The following OPCML variants were observed in gnomAD, a reference collection of about 807,000 sequenced individuals.
OPCML encodes opioid-binding protein/cell adhesion molecule.
OPCML carries 13 observed loss-of-function variants against 37.8 expected under a neutral mutation model. The ratio of observed to expected loss-of-function variants is 0.34; its 90% CI spans 0.22 to 0.55. The LOEUF is 0.55. OPCML is among the 20% of genes least tolerant of loss of function. The pLI is 0.91. For synonymous variants in OPCML, 176 were observed against 168.8 expected, an observed-to-expected ratio of 1.04 and a Z score of -0.33; for missense variants, 341 against 435.6, an observed-to-expected ratio of 0.78 and a Z score of 1.93.
chr11:132,627,926 G>A (rs1393376083), intron 3 of OPCML, among the ~76,000 whole-genome samples: 4 of 151,972 alleles, frequency 2.6e-5, no homozygotes, highest in African/African-American at 9.7e-5. Flanking sequence ...ACTGGGCCTC[G>A]TATAATGTGT....
chr11:132,831,021 CT>C lies in OPCML; in HGVS notation c.146+111904del, dbSNP rs924411098. Reference sequence around the variant, plus strand: ...TTCAGAATCAAATTTCTCCCACCTGCTTTTTTTTTTCTTATAACTGAGCTAC... The same window carrying C: ...TTCAGAATCAAATTTCTCCCACCTGCTTTTTTTTTCTTATAACTGAGCTAC... On this transcript the variant is annotated intron_variant, in intron 2 of 7. Transcript: ENST00000524381. Among the ~76,000 whole-genome samples the C allele has an allele frequency of 1.7e-3, 261 of 149,156 alleles. 1 individual carries two copies. The highest frequency in any genetic ancestry group is 5.4e-3 in the African/African-American group (220 of 40,668).
chr11:133,025,080 A>C lies in OPCML; in HGVS notation c.62-82070T>G, dbSNP rs549688476. ...AGGTATCTATGGAGTATATGTATAG[A>C]TAAGCCTAGAGCTAATTTTCCTTCA... On this transcript the variant is annotated intron_variant, in intron 1 of 7. Transcript: ENST00000524381. The C allele has an allele frequency of 4.6e-6, 4 of 874,674 alleles. No homozygotes were observed. The African/African-American group carries it at 7.3e-5, about 16-fold the overall frequency. The allele number at this position is 874,674 out of a possible 1,614,324, so 54.2% of individuals were successfully genotyped here.
At chr11:132,469,832 TG>T (rs139780717) in intron 4 of OPCML, among the ~76,000 whole-genome samples, 4 of 102,320 alleles carry the variant, frequency 3.9e-5, no homozygotes, top group South Asian at 4.2e-4. Flanking sequence ...TGTATGTGTG[TG>T]GGGGGCTGTA....
At chr11:132,976,012 C>T (rs1434417793) in intron 1 of OPCML, among the ~76,000 whole-genome samples, 12 of 152,094 alleles carry the variant, frequency 7.9e-5, no homozygotes, top group Middle Eastern at 3.2e-3. Flanking sequence ...CCTTGTGATC[C>T]GCCCACCTCG....
At chr11:132,825,943 T>G (rs868716111) in intron 2 of OPCML, among the ~76,000 whole-genome samples, 18 of 152,204 alleles carry the variant, frequency 1.2e-4, no homozygotes, top group African/African-American at 4.3e-4. Context: ...TGTTTTTCTC[T>G]TTGTCCATGT....
intron 1 of OPCML, among the ~76,000 whole-genome samples, chr11:133,077,650 G>T (rs1443951799): frequency 6.6e-6 from 1 of 152,084 alleles, no homozygotes; most frequent in Admixed American, 6.6e-5. Flanking sequence ...CAAGAAATAT[G>T]TTAACAGTCA....
rs550015257 is a variant in OPCML at position 133,174,558 on chromosome 11, C to T, written c.62-231548G>A. On this transcript the variant is annotated intron_variant, in intron 1 of 7. Coordinates refer to ENST00000524381, the MANE Select transcript of OPCML (RefSeq NM_001012393.5). The surrounding 1 kb of genome is among the most constrained non-coding windows in gnomAD (Gnocchi z 4.6). ...AGCAACCTGCATACCCAAAAATAGT[C>T]GAAAAGAGTTGTACTCTATCTATAC... 4.1e-5 allele frequency among the ~76,000 whole-genome samples: 6 copies of T among 146,438 alleles called. No individual in the cohort carries two copies. The Admixed American group carries it at 4.2e-4, about 10-fold the overall frequency.
intron 2 of OPCML, among the ~76,000 whole-genome samples, chr11:132,854,030 T>C (rs996370226): frequency 6.6e-6 from 1 of 152,194 alleles, no homozygotes; most frequent in Non-Finnish European, 1.5e-5. Flanking sequence ...AAGACTGCCC[T>C]AACATCAGAT....
intron 2 of OPCML, among the ~76,000 whole-genome samples, chr11:132,804,568 G>T (rs530592951): frequency 6.6e-6 from 1 of 151,082 alleles, no homozygotes; most frequent in Admixed American, 6.6e-5. Flanking sequence ...TTTAGGCCCC[G>T]CTAGAATGAT....
In OPCML at chr11:133,212,558, G is replaced by A. The variant is rs144854787; in HGVS notation, c.62-269548C>T. ...AGTTGTAACCTACTCTGCTCACCCC[G>A]CTGCACTCTTGATCTCCCTTACTCT... On this transcript the variant is annotated intron_variant, in intron 1 of 7. Coordinates refer to ENST00000524381, the MANE Select transcript of OPCML (RefSeq NM_001012393.5). This position sits in a 1 kb window ranked among gnomAD's most constrained non-coding sequence, Gnocchi z 4.9. Among the ~76,000 whole-genome samples the A allele has an allele frequency of 2.0e-5, 3 of 152,100 alleles. No individual in the cohort carries two copies. The highest frequency in any genetic ancestry group is 2.1e-4 in the South Asian group (1 of 4,828).
chr11:132,772,490 C>G (rs1946673144), intron 2 of OPCML: 1 of 152,154 alleles, frequency 6.6e-6, no homozygotes, highest in Non-Finnish European at 1.5e-5. Flanking sequence ...CCTTTGGTAG[C>G]CAGTTGGGAA....
intron 1 of OPCML, among the ~76,000 whole-genome samples, chr11:133,087,476 T>A (rs1948834155): frequency 6.6e-6 from 1 of 152,098 alleles, no homozygotes. Context: ...GGTCTACTGT[T>A]CCCATCTTTA....
chr11:133,426,094 T>C (rs758865997), intron 1 of OPCML, among the ~76,000 whole-genome samples: 2 of 152,174 alleles, frequency 1.3e-5, no homozygotes, highest in Non-Finnish European at 2.9e-5. Context: ...TTTTCCATAG[T>C]ATAGATTCTG....
chr11:132,769,453 C>A (rs1245886501), intron 2 of OPCML, among the ~76,000 whole-genome samples: 1 of 152,072 alleles, frequency 6.6e-6, no homozygotes, highest in Non-Finnish European at 1.5e-5. Flanking sequence ...ACTCCAGAAC[C>A]ACACTCACTC....
At chr11:133,158,694 G>A (rs1030696406) in intron 1 of OPCML, among the ~76,000 whole-genome samples, 42 of 93,562 alleles carry the variant, frequency 4.5e-4, no homozygotes, top group Admixed American at 2.4e-3. Flanking sequence ...GTGAGACTCT[G>A]TCTAAAAATA....
At chr11:133,429,435 A>G (rs554400467) in intron 1 of OPCML, among the ~76,000 whole-genome samples, 21 of 152,344 alleles carry the variant, frequency 1.4e-4, no homozygotes, top group Non-Finnish European at 2.2e-4. Flanking sequence ...ATGGTAAGCC[A>G]TTGGAAGGCA....
intron 1 of OPCML, 32 bp downstream of exon 1, chr11:133,532,232 G>A (rs940296327): frequency 6.2e-7 from 1 of 1,610,192 alleles, no homozygotes; most frequent in African/African-American, 1.3e-5. Flanking sequence ...AATCACCCCA[G>A]GGAGAGAAAA....
chr11:133,123,448 C>T (rs1035213431), intron 1 of OPCML, among the ~76,000 whole-genome samples: 3 of 152,128 alleles, frequency 2.0e-5, no homozygotes, highest in Non-Finnish European at 4.4e-5. Flanking sequence ...AAATGACAAC[C>T]CATAAACACA....
chr11:132,828,351 C>T (rs960354065), intron 2 of OPCML, among the ~76,000 whole-genome samples: 2 of 152,130 alleles, frequency 1.3e-5, no homozygotes, highest in South Asian at 2.1e-4. Context: ...ACCCAGCGAG[C>T]GCACAGCACC....
Sources: allele counts gnomAD v4.1 joint callset (sites outside exome capture counted in the v4.1 genomes callset), GRCh38; gene constraint gnomAD v4.1.1; non-coding constraint Gnocchi (gnomAD v3.1); transcripts MANE v1.5; gene names NCBI Gene and HGNC (gene_info 2026-07-23, HGNC 2026-07-21).